COL11A2: variants seen among roughly 807,000 people sequenced by gnomAD.
COL11A2 encodes the protein collagen alpha-2(XI) chain.
A neutral mutation model predicts 273.4 loss-of-function variants in COL11A2; 116 were observed. That is an observed-to-expected ratio of 0.42 (90% CI 0.36 to 0.49). The LOEUF is 0.49. Among genes scored for constraint, COL11A2 ranks in the 20% least tolerant of loss-of-function variants. The pLI, the probability that COL11A2 is intolerant of heterozygous loss-of-function variation, is 0.00. For missense variants in COL11A2, 1,866 were observed against 2,309.0 expected (o/e 0.81, Z 3.93); for synonymous variants, 782 against 864.2 (o/e 0.90, Z 1.67).
At position 33,179,822 on chromosome 6, in the gene COL11A2, A is replaced by G. The variant is rs1190843311; in HGVS notation, c.1360-17T>C. On this transcript the variant is annotated splice_polypyrimidine_tract_variant and intron_variant, in intron 12 of 65. Transcript: ENST00000341947. This position sits in a 1 kb window ranked among gnomAD's most constrained non-coding sequence, Gnocchi z 6.4. ...AAACCGGAACTGAGGTCAAGGAGAG[A>G]AGGTCCAGGTTCTCTTCCAAGAAAG... is the stretch of plus-strand genomic sequence containing the variant. The G allele has an allele frequency of 1.9e-6, 3 of 1,605,804 alleles. No individual in the cohort carries two copies. The Admixed American group carries it at 5.0e-5, about 27-fold the overall frequency.
At chr6:33,186,344 C>A in intron 5 of COL11A2, 1 of 1,359,648 alleles carries the variant, frequency 7.4e-7, no homozygotes, top group Non-Finnish European at 9.6e-7. Context: ...CACTGTCTCC[C>A]AATCTCTTAA....
At chr6:33,172,236 G>GC in intron 40 of COL11A2, 53 bp downstream of exon 40, 1 of 1,481,704 alleles carries the variant, frequency 6.7e-7, no homozygotes, top group Non-Finnish European at 9.4e-7. Context: ...TCGGGGTGGG[G>GC]ACTCAGGATG....
intron 29 of COL11A2, 54 bp downstream of exon 29, chr6:33,175,962 G>A (rs530726315): frequency 2.5e-6 from 4 of 1,599,386 alleles, no homozygotes; most frequent in Non-Finnish European, 3.4e-6. Context: ...GGCGTCTCCA[G>A]AGTGGAGGCT....
rs749200697 is a variant in COL11A2 at position 33,171,808 on chromosome 6, C to T, written c.3055G>A (p.Glu1019Lys). ...GPPGPAGSPGERGAAGSGGPI... is the reference protein window; with the variant it reads ...GPPGPAGSPGKRGAAGSGGPI... The stretch of plus-strand genomic sequence containing the variant: ...CCCCCTGATCCTGCTGCACCTCGTT[C>T]CCCAGGGGAGCCCTGAGAAAGCAGA... Residue 1019 changes from glutamate (E) to lysine (K), a missense_variant, in exon 42 of 66, where the codon GAA (glutamate) becomes AAA (lysine). Transcript: ENST00000341947. 2 of 1,612,904 alleles carry T rather than the reference C, an allele frequency of 1.2e-6. No individual in the cohort carries two copies. The highest frequency in any genetic ancestry group is 8.5e-7 in the Non-Finnish European group (1 of 1,179,956).
intron 31 of COL11A2, 71 bp from the exon 32 acceptor site, chr6:33,174,289 T>A (rs1477428425): frequency 1.3e-6 from 2 of 1,540,220 alleles, no homozygotes; most frequent in Non-Finnish European, 1.8e-6. Context: ...GCAAAGGGGG[T>A]CAGGAGAGGC....
At chr6:33,174,428 C>T in intron 31 of COL11A2, 99 bp downstream of exon 31, 1 of 1,490,098 alleles carries the variant, frequency 6.7e-7, no homozygotes, top group African/African-American at 1.4e-5. Context: ...CCTCTGGGGT[C>T]CCCCACTGCC....
Position 33,190,684 on chromosome 6 carries a change from C to T in COL11A2, c.83-1215G>A, listed in dbSNP as rs750371432. ...AGCCGGGAAACCACGGCCTTCCCCC[C>T]CAACCCCCACCTAAGCCTGGCCCCT... On this transcript the variant is annotated intron_variant, in intron 1 of 65. Coordinates refer to ENST00000341947, the MANE Select transcript of COL11A2 (RefSeq NM_080680.3). This position sits in a 1 kb window ranked among gnomAD's most constrained non-coding sequence, Gnocchi z 4.5. 4.6e-5 allele frequency among the ~76,000 whole-genome samples: 7 copies of T among 152,122 alleles called. No individual in the cohort carries two copies. The highest frequency in any genetic ancestry group is 8.8e-5 in the Non-Finnish European group (6 of 68,010).
At chr6:33,171,988 C>T in intron 41 of COL11A2, 62 bp downstream of exon 41, 1 of 1,595,718 alleles carries the variant, frequency 6.3e-7, no homozygotes, top group African/African-American at 1.3e-5. Context: ...ATGCCACTCC[C>T]ACCCTTCCTC....
intron 45 of COL11A2, 21 bp downstream of exon 45, chr6:33,171,093 G>A: frequency 6.4e-7 from 1 of 1,573,138 alleles, no homozygotes; most frequent in Non-Finnish European, 8.6e-7. Flanking sequence ...GGCCTTCGGT[G>A]GGGGTGGAGG....
Position 33,189,472 on chromosome 6 carries a change from G to T in COL11A2, c.83-3C>A. The T allele has an allele frequency of 6.2e-7, 1 of 1,613,048 alleles. No homozygotes were observed. The highest frequency in any genetic ancestry group is 1.1e-5 in the South Asian group (1 of 91,080). ...GAGCACATCCACAGGGGGTGCACCT[G>T]GGAGAGTCCATGATTATCAGGAGAA... On this transcript the variant is annotated splice_polypyrimidine_tract_variant and splice_region_variant and intron_variant, in intron 1 of 65. Transcript: ENST00000341947. The surrounding 1 kb of genome is among the most constrained non-coding windows in gnomAD (Gnocchi z 5.6).
chr6:33,177,394 A>G lies in COL11A2; in HGVS notation c.1971+18T>C, dbSNP rs1285887648. 1 of 1,612,516 alleles carries G rather than the reference A, an allele frequency of 6.2e-7. No homozygotes were observed. The highest frequency in any genetic ancestry group is 8.5e-7 in the Non-Finnish European group (1 of 1,179,784). ...GGAAGTCATGAAAATTGGGGAACGG[A>G]GTAGGGGCACCGCTCACCTGGGTCC... On this transcript the variant is annotated intron_variant, in intron 23 of 65. Coordinates refer to ENST00000341947, the MANE Select transcript of COL11A2 (RefSeq NM_080680.3). The surrounding 1 kb of genome is among the most constrained non-coding windows in gnomAD (Gnocchi z 5.9).
At chr6:33,171,934 C>T in intron 41 of COL11A2, 114 bp from the exon 42 acceptor site, 1 of 1,518,902 alleles carries the variant, frequency 6.6e-7, no homozygotes, top group Non-Finnish European at 9.1e-7. Context: ...CTGGCTGTCC[C>T]TGGACAGCCT....
Position 33,177,308 on chromosome 6 carries a change from G to C in COL11A2, c.1972-83C>G. On this transcript the variant is annotated intron_variant, in intron 23 of 65. Transcript: ENST00000341947. The surrounding 1 kb of genome is among the most constrained non-coding windows in gnomAD (Gnocchi z 5.9). ...CCCGGATTCAAAGCATGAGCAACAA[G>C]GGCCTGAAACCCTTAATTTCCTGTA... is the stretch of plus-strand genomic sequence containing the variant. 1 of 1,604,860 alleles carries C rather than the reference G, an allele frequency of 6.2e-7. No individual in the cohort carries two copies. The highest frequency in any genetic ancestry group is 2.2e-5 in the East Asian group (1 of 44,832).
At position 33,190,244 on chromosome 6, in the gene COL11A2, G is replaced by A. The variant is rs1032719429; in HGVS notation, c.83-775C>T. Among the ~76,000 whole-genome samples, 3 of 152,200 alleles carry A rather than the reference G, an allele frequency of 2.0e-5. No homozygotes were observed. Among genetic ancestry groups the A allele is most frequent in the Non-Finnish European group, 1.5e-5 (1 of 67,970 alleles). On this transcript the variant is annotated intron_variant, in intron 1 of 65. Coordinates refer to ENST00000341947, the MANE Select transcript of COL11A2 (RefSeq NM_080680.3). The surrounding 1 kb of genome is among the most constrained non-coding windows in gnomAD (Gnocchi z 4.5). ...GGGGCTGAAGCTGCCACGAGGAGCC[G>A]GAACAGGTCCAGGGCCCTGAGCCAC...
Position 33,167,952 on chromosome 6 carries a change from C to T in COL11A2, c.3961-100G>A. On this transcript the variant is annotated intron_variant, in intron 54 of 65. Transcript: ENST00000341947. The surrounding 1 kb of genome is among the most constrained non-coding windows in gnomAD (Gnocchi z 6.1). The stretch of plus-strand genomic sequence containing the variant: ...AGACACACACATACACATGCACACA[C>T]ACACGTGCATACACAGGGACACGCG... The T allele has an allele frequency of 1.6e-6, 2 of 1,260,588 alleles. No individual in the cohort carries two copies. Among genetic ancestry groups the T allele is most frequent in the Non-Finnish European group, 2.3e-6 (2 of 872,524 alleles). The allele number at this position is 1,260,588 out of a possible 1,614,324, so 78.1% of individuals were successfully genotyped here.
chr6:33,180,867 T>G (rs1042335470), intron 10 of COL11A2, 97 bp downstream of exon 10: 6 of 1,569,504 alleles, frequency 3.8e-6, no homozygotes, highest in Non-Finnish European at 5.3e-6. Flanking sequence ...TCCCGAGTTC[T>G]GAGGAGGAGG....
chr6:33,171,145 G>C lies in COL11A2; in HGVS notation c.3335C>G (p.Pro1112Arg). The change falls in exon 45 of 66, where the codon CCC (proline) becomes CGC (arginine). Residue 1112 changes from proline (P) to arginine (R), a missense_variant. Pro to Arg is a moderately radical substitution (Grantham distance 103). Coordinates refer to ENST00000341947, the MANE Select transcript of COL11A2 (RefSeq NM_080680.3). ...TCCAGGCTGCCCCACAGGACCAATG[G>C]GTCCAGGGGGTCCAGGAGGGCCCTG... ...GEHGPPGPPG[P>R]IGPVGQPGAA... is the part of the protein sequence containing the mutation. 1.3e-6 allele frequency: 2 copies of C among 1,596,884 alleles called. No individual in the cohort carries two copies. Among genetic ancestry groups the C allele is most frequent in the Non-Finnish European group, 1.7e-6 (2 of 1,170,956 alleles).
chr6:33,181,718 T>A (rs1396846672), intron 8 of COL11A2, among the ~76,000 whole-genome samples: 1 of 151,838 alleles, frequency 6.6e-6, no homozygotes, highest in East Asian at 2.0e-4. Flanking sequence ...AGTCCTGACC[T>A]CAGGTGATCC....
Position 33,166,526 on chromosome 6 carries a change from G to A in COL11A2, c.4379C>T (p.Pro1460Leu), listed in dbSNP as rs539241662. The A allele has an allele frequency of 2.6e-5, 42 of 1,613,668 alleles. No homozygotes were observed. In the South Asian group the frequency reaches 3.8e-4, roughly 15 times the overall value. The part of the protein sequence containing the change: ...GASGPIGPGG[P>L]PGLPGPAGPK... Reference sequence around the variant, plus strand: ...GGCAGTACTCACGGGGAGGCCGGGGGGACCTCCAGGACCAATGGGGCCGGA... The same window carrying A: ...GGCAGTACTCACGGGGAGGCCGGGGAGACCTCCAGGACCAATGGGGCCGGA... The change falls in exon 60 of 66, where the codon CCC becomes CTC. Residue 1460 changes from proline (P) to leucine (L), a missense_variant. Coordinates refer to ENST00000341947, the MANE Select transcript of COL11A2 (RefSeq NM_080680.3). The surrounding 1 kb of genome is among the most constrained non-coding windows in gnomAD (Gnocchi z 4.8).
Sources: allele counts gnomAD v4.1 joint callset (sites outside exome capture counted in the v4.1 genomes callset), GRCh38; gene constraint gnomAD v4.1.1; non-coding constraint Gnocchi (gnomAD v3.1); transcripts MANE v1.5; gene names NCBI Gene and HGNC (gene_info 2026-07-23, HGNC 2026-07-21).